PPP1R12B: variants seen among roughly 807,000 people sequenced by gnomAD.
PPP1R12B encodes the protein myosin phosphatase target subunit 2.
Under a neutral mutation model 126.1 loss-of-function variants are expected in PPP1R12B, and 76 were observed. That is an observed-to-expected ratio of 0.60 (90% CI 0.50 to 0.73). The LOEUF is 0.73. Ranked by LOEUF, PPP1R12B falls within the 30% of genes least tolerant of loss-of-function variation. The probability of loss-of-function intolerance (pLI) is 0.00; values close to 1 mark genes in which losing one functional copy is unlikely to be tolerated. For missense variants in PPP1R12B, 1,052 were observed against 1,205.1 expected (o/e 0.87, Z 1.88); for synonymous variants, 356 against 434.7 (o/e 0.82, Z 2.25).
At chr1:202,361,915 A>G (rs1028715619) in intron 1 of PPP1R12B, among the ~76,000 whole-genome samples, 18 of 152,164 alleles carry the variant, frequency 1.2e-4, no homozygotes, top group African/African-American at 4.1e-4. Flanking sequence ...GGGCATTCAT[A>G]TGGAGATTGG....
At chr1:202,405,508 G>T (rs1666480046) in intron 1 of PPP1R12B, among the ~76,000 whole-genome samples, 1 of 152,252 alleles carries the variant, frequency 6.6e-6, no homozygotes, top group Admixed American at 6.5e-5. Context: ...ATAATACAAG[G>T]GTAATATAAT....
chr1:202,577,378 A>G (rs1346369521), intron 23 of PPP1R12B: 1 of 152,222 alleles, frequency 6.6e-6, no homozygotes, highest in African/African-American at 2.4e-5. Context: ...TTTACATATT[A>G]TTGTTATGTC....
rs558048788 is a variant in PPP1R12B at position 202,430,927 on chromosome 1, A to T, written c.1001+117A>T. 13 of 1,390,982 alleles carry T rather than the reference A, an allele frequency of 9.3e-6. No individual in the cohort carries two copies. The African/African-American group carries it at 1.6e-4, about 17-fold the overall frequency. The allele number at this position is 1,390,982 out of a possible 1,614,324, so 86.2% of individuals were successfully genotyped here. A position where few individuals can be genotyped will look rare whatever the true frequency, so the allele number is the denominator to read the frequency against. ...GTTTGTATTTAGCCGAGTGATCTAT[A>T]AACTTGTGGGAAACTTGTGGGAAAC... On this transcript the variant is annotated intron_variant, in intron 7 of 23. Transcript: ENST00000608999.
At chr1:202,537,455 A>G (rs905896790) in intron 18 of PPP1R12B, among the ~76,000 whole-genome samples, 3 of 152,232 alleles carry the variant, frequency 2.0e-5, no homozygotes, top group African/African-American at 7.2e-5. Context: ...GTTGACAGAA[A>G]CATCGGTTAT....
intron 1 of PPP1R12B, among the ~76,000 whole-genome samples, chr1:202,392,514 CTTCTTTTTTTT>C (rs1218445421): frequency 6.6e-6 from 1 of 150,736 alleles, no homozygotes; most frequent in African/African-American, 2.4e-5. Flanking sequence ...GGATACAGGA[CTTCTTTTTTTT>C]TTCTTTTTTT....
intron 13 of PPP1R12B, among the ~76,000 whole-genome samples, chr1:202,471,613 T>C (rs1476985250): frequency 3.4e-5 from 5 of 148,342 alleles, no homozygotes; most frequent in African/African-American, 4.9e-5. Context: ...GCTTTTTTGG[T>C]AATCTAAGGA....
intron 10 of PPP1R12B, chr1:202,438,852 G>C (rs776374254): frequency 2.1e-5 from 23 of 1,121,140 alleles, no homozygotes; most frequent in Non-Finnish European, 2.9e-5. Flanking sequence ...GGTCACTGCT[G>C]ACTCCATCTA....
Position 202,430,841 on chromosome 1 carries a change from A to G in PPP1R12B, c.1001+31A>G, listed in dbSNP as rs371398139. 130 of 1,601,490 alleles carry G rather than the reference A, an allele frequency of 8.1e-5. No individual in the cohort carries two copies. In the African/African-American group the frequency reaches 1.7e-3, roughly 21 times the overall value. On this transcript the variant is annotated intron_variant, in intron 7 of 23. Transcript: ENST00000608999. ...ACATTTAGGCTTGAGTAATGGGATG[A>G]GCTTTGCTCTGTGTCAGTGACATAC...
chr1:202,378,294 C>G (rs1325954244), intron 1 of PPP1R12B, among the ~76,000 whole-genome samples: 1 of 142,916 alleles, frequency 7.0e-6, no homozygotes, highest in Non-Finnish European at 1.5e-5. Flanking sequence ...AAATGGCCAC[C>G]AAAAGAACTT....
rs188740526 is a variant in PPP1R12B, at chr1:202,404,912, A to G, written c.292-11875A>G. On this transcript the variant is annotated intron_variant, in intron 1 of 23. Coordinates refer to ENST00000608999, the MANE Select transcript of PPP1R12B (RefSeq NM_002481.4). ...TAGCTCTCATTTTATATTAGAGATT[A>G]TTTCTGTTGCATTGTATCATTTACA... Among the ~76,000 whole-genome samples the G allele has an allele frequency of 3.7e-4, 57 of 152,292 alleles. 1 individual carries two copies. The East Asian group carries it at 7.7e-3, about 21-fold the overall frequency.
intron 13 of PPP1R12B, among the ~76,000 whole-genome samples, chr1:202,458,196 C>T (rs1462754866): frequency 6.9e-6 from 1 of 145,430 alleles, no homozygotes; most frequent in Admixed American, 7.1e-5. Context: ...GAGAGGTAGG[C>T]AGGAACCAAA....
chr1:202,555,350 AAAAG>A (rs1686798764), intron 18 of PPP1R12B, among the ~76,000 whole-genome samples: 2 of 144,822 alleles, frequency 1.4e-5, no homozygotes, highest in African/African-American at 5.0e-5. Flanking sequence ...AAAAAAAAAA[AAAAG>A]CTTGTTTCGT....
intron 13 of PPP1R12B, among the ~76,000 whole-genome samples, chr1:202,466,567 A>G (rs1241757343): frequency 6.6e-6 from 1 of 151,470 alleles, no homozygotes; most frequent in African/African-American, 2.4e-5. Flanking sequence ...TGCAGCTAGC[A>G]CTCAGATCTC....
intron 18 of PPP1R12B, among the ~76,000 whole-genome samples, chr1:202,554,597 G>T (rs1686691178): frequency 6.6e-6 from 1 of 151,942 alleles, no homozygotes; most frequent in Non-Finnish European, 1.5e-5. Flanking sequence ...AAGCTGGAGG[G>T]AATTAGAGAT....
intron 13 of PPP1R12B, among the ~76,000 whole-genome samples, chr1:202,486,369 A>G (rs1387241242): frequency 1.3e-5 from 2 of 152,214 alleles, no homozygotes; most frequent in Non-Finnish European, 2.9e-5. Flanking sequence ...AATAACAAAT[A>G]TATTCTAAGG....
chr1:202,348,718 G>A lies in PPP1R12B; in HGVS notation c.-134G>A, dbSNP rs1655362030. The A allele has an allele frequency of 1.7e-6, 2 of 1,196,190 alleles. No individual in the cohort carries two copies. Among genetic ancestry groups the A allele is most frequent in the Admixed American group, 2.9e-5 (1 of 34,012 alleles). The allele number at this position is 1,196,190 out of a possible 1,614,324, so 74.1% of individuals were successfully genotyped here. On this transcript the variant is annotated 5_prime_UTR_variant, in exon 1 of 24. Transcript: ENST00000608999. The stretch of plus-strand genomic sequence containing the variant: ...GCGGGCGGTACTACTGGCGGGAGGA[G>A]TAAAGATGGCGGCGCGAGGGTCTCC...
chr1:202,452,933 C>T (rs1673191687), intron 13 of PPP1R12B, among the ~76,000 whole-genome samples: 1 of 151,878 alleles, frequency 6.6e-6, no homozygotes, highest in Non-Finnish European at 1.5e-5. Flanking sequence ...TTCCGAAATG[C>T]TAAGATTACA....
chr1:202,449,842 A>C (rs1672713547), intron 13 of PPP1R12B, among the ~76,000 whole-genome samples: 1 of 149,762 alleles, frequency 6.7e-6, no homozygotes, highest in Non-Finnish European at 1.5e-5. Flanking sequence ...ACCTGCCACC[A>C]TGCCCGGCTA....
chr1:202,472,517 G>T (rs1423247136), intron 13 of PPP1R12B, among the ~76,000 whole-genome samples: 1 of 152,318 alleles, frequency 6.6e-6, no homozygotes, highest in Middle Eastern at 3.4e-3. Flanking sequence ...GGTAACACTT[G>T]TTCTGACCAG....
Sources: gnomAD v4.1 joint callset for allele counts (sites outside exome capture counted in the v4.1 genomes callset) on GRCh38, gnomAD v4.1.1 for gene constraint, MANE v1.5 for transcripts, NCBI Gene and HGNC (gene_info 2026-07-23, HGNC 2026-07-21) for gene names.